HIVEP3: variants seen among roughly 807,000 people sequenced by gnomAD.
HIVEP3 encodes HIVEP zinc finger 3.
HIVEP3 carries 49 observed loss-of-function variants against 152.8 expected under a neutral mutation model. The observed-to-expected ratio is 0.32, with a 90% CI of 0.26 to 0.41. The LOEUF (loss-of-function observed/expected upper bound fraction) is 0.41. Ranked by LOEUF, HIVEP3 falls within the 10% of genes least tolerant of loss-of-function variation. The pLI is 1.00. For synonymous variants in HIVEP3, 1,269 were observed against 1,289.0 expected (o/e 0.98, Z 0.33); for missense variants, 2,790 against 3,103.3 (o/e 0.90, Z 2.40).
chr1:41,976,850 C>G (rs11210559), intron 1 of HIVEP3, among the ~76,000 whole-genome samples: 79,701 of 152,012 alleles, frequency 0.52, 21,110 homozygotes, highest in East Asian at 0.71. Flanking sequence ...TCCGCAGAAG[C>G]TGGGAGGGTG....
At chr1:41,921,171 G>C (rs1041435057), upstream of HIVEP3, among the ~76,000 whole-genome samples, 3 of 152,176 alleles carry the variant, frequency 2.0e-5, no homozygotes, top group Non-Finnish European at 4.4e-5. Flanking sequence ...CAATAAAGCA[G>C]ACATTTTGAA....
At chr1:41,725,097 T>C (rs1286064400) in intron 1 of HIVEP3, among the ~76,000 whole-genome samples, 1 of 152,190 alleles carries the variant, frequency 6.6e-6, no homozygotes, top group African/African-American at 2.4e-5. Flanking sequence ...ATACAGCAAG[T>C]GAATGAGAAA....
intron 1 of HIVEP3, among the ~76,000 whole-genome samples, chr1:41,986,734 C>A (rs1053155224): frequency 3.3e-5 from 5 of 152,162 alleles, no homozygotes; most frequent in Admixed American, 6.5e-5. Context: ...GCCACCGCGC[C>A]CTGCCGAATA....
chr1:41,542,019 G>T (rs552065276), intron 5 of HIVEP3: 1 of 152,250 alleles, frequency 6.6e-6, no homozygotes, highest in Non-Finnish European at 1.5e-5. Context: ...GCCTAGCACC[G>T]AGTGGGGCTC....
intron 1 of HIVEP3, among the ~76,000 whole-genome samples, chr1:41,840,049 G>A (rs1001917505): frequency 6.6e-6 from 1 of 152,146 alleles, no homozygotes; most frequent in African/African-American, 2.4e-5. Context: ...AAGATCGACT[G>A]CACAGTGCTG....
intron 1 of HIVEP3, among the ~76,000 whole-genome samples, chr1:41,752,928 A>G (rs1172233866): frequency 6.6e-6 from 1 of 152,240 alleles, no homozygotes; most frequent in Non-Finnish European, 1.5e-5. Context: ...TCCACATCTG[A>G]GTCTGGCTAC....
rs574013383 is a variant in HIVEP3, at chr1:41,678,131, C to T, written c.-721+22785G>A. Among the ~76,000 whole-genome samples, 12 of 152,152 alleles carry T rather than the reference C, an allele frequency of 7.9e-5. No homozygotes were observed. In the East Asian group the frequency reaches 1.5e-3, roughly 20 times the overall value. On this transcript the variant is annotated intron_variant, in intron 2 of 8. Transcript: ENST00000372583. ...ACGTGGCTGTTGGGGAGATTTCCATCGAGTGTGGTTTGCAAGGCGATTCTC... is the reference window on the plus strand; with the variant it reads ...ACGTGGCTGTTGGGGAGATTTCCATTGAGTGTGGTTTGCAAGGCGATTCTC...
chr1:41,707,019 G>C (rs1266880877), intron 1 of HIVEP3, among the ~76,000 whole-genome samples: 2 of 152,336 alleles, frequency 1.3e-5, no homozygotes, highest in South Asian at 4.1e-4. Context: ...GTTTTAGCCA[G>C]AGAATATTTT....
chr1:41,726,966 T>A (rs1646761432), intron 1 of HIVEP3, among the ~76,000 whole-genome samples: 1 of 152,152 alleles, frequency 6.6e-6, no homozygotes, highest in Non-Finnish European at 1.5e-5. Flanking sequence ...TAAGTGATAA[T>A]CCTCTCTTCC....
At chr1:41,574,671 G>A (rs116744326) in intron 5 of HIVEP3, among the ~76,000 whole-genome samples, 1,612 of 152,246 alleles carry the variant, frequency 0.011, 29 homozygotes, top group African/African-American at 0.037. Flanking sequence ...CCAGCTCATG[G>A]GGACTGTCCT....
At chr1:41,609,545 A>C (rs554040128) in intron 3 of HIVEP3, among the ~76,000 whole-genome samples, 1 of 152,284 alleles carries the variant, frequency 6.6e-6, no homozygotes, top group Non-Finnish European at 1.5e-5. Context: ...TAAGTGTACC[A>C]GGAGAAAGGG....
intron 5 of HIVEP3, among the ~76,000 whole-genome samples, chr1:41,557,798 A>G (rs1052205339): frequency 2.0e-5 from 3 of 152,158 alleles, no homozygotes; most frequent in Admixed American, 6.5e-5. Context: ...AAGGACAAAG[A>G]GTAAGATCTT....
chr1:41,649,666 G>T (rs1001073065), intron 2 of HIVEP3, among the ~76,000 whole-genome samples: 1 of 152,196 alleles, frequency 6.6e-6, no homozygotes, highest in Non-Finnish European at 1.5e-5. Context: ...CCTTAGATGG[G>T]GAGAGACCTG....
intron 1 of HIVEP3, among the ~76,000 whole-genome samples, chr1:42,009,101 G>A (rs1009265278): frequency 1.3e-5 from 2 of 152,158 alleles, no homozygotes; most frequent in Non-Finnish European, 2.9e-5. Context: ...TCATTATTAA[G>A]CTGATAAATT....
intron 2 of HIVEP3, among the ~76,000 whole-genome samples, chr1:41,661,362 CT>C (rs1351505708): frequency 1.1e-4 from 17 of 152,352 alleles, no homozygotes; most frequent in Non-Finnish European, 1.5e-5. Context: ...ACCACCACTT[CT>C]GTCTGAAGCC....
At position 41,555,898 on chromosome 1, in the gene HIVEP3, G is replaced by A. The variant is rs568533533; in HGVS notation, c.5207+19646C>T. Among the ~76,000 whole-genome samples, 75 of 152,120 alleles carry A rather than the reference G, an allele frequency of 4.9e-4. No individual in the cohort carries two copies. In the South Asian group the frequency reaches 0.015, roughly 30 times the overall value. On this transcript the variant is annotated intron_variant, in intron 5 of 8. Transcript: ENST00000372583. The stretch of plus-strand genomic sequence containing the variant: ...AATCATACAGTATCTGTCCTTTTTC[G>A]TGACTGGCTTAGTTCACGCAGCATG...
chr1:41,963,104 C>A (rs536480338), intron 1 of HIVEP3, among the ~76,000 whole-genome samples: 1 of 152,158 alleles, frequency 6.6e-6, no homozygotes, highest in Non-Finnish European at 1.5e-5. Flanking sequence ...CTCTGCCTCC[C>A]GGGTTCATGC....
At chr1:41,809,215 C>T (rs190600923) in intron 1 of HIVEP3, among the ~76,000 whole-genome samples, 33 of 152,368 alleles carry the variant, frequency 2.2e-4, no homozygotes, top group Admixed American at 1.6e-3. Context: ...ACAGTTGAGG[C>T]ACAGGTCTCT....
chr1:41,778,526 C>T (rs1648850578), intron 1 of HIVEP3, among the ~76,000 whole-genome samples: 1 of 152,214 alleles, frequency 6.6e-6, no homozygotes, highest in Non-Finnish European at 1.5e-5. Context: ...GCCCCAGGCT[C>T]AGGGATCCAA....
Sources: gnomAD v4.1 joint callset for allele counts (sites outside exome capture counted in the v4.1 genomes callset) on GRCh38, gnomAD v4.1.1 for gene constraint, MANE v1.5 for transcripts, NCBI Gene and HGNC (gene_info 2026-07-23, HGNC 2026-07-21) for gene names.